FAM13A: variants seen among roughly 807,000 people sequenced by gnomAD.
FAM13A encodes protein FAM13A.
Under a neutral mutation model 129.6 loss-of-function variants are expected in FAM13A, and 76 were observed. That is an observed-to-expected ratio of 0.59 (90% confidence interval 0.49 to 0.71). FAM13A has a LOEUF of 0.71. FAM13A is among the 30% of genes least tolerant of loss of function. FAM13A has a pLI of 0.00. For missense variants in FAM13A, 1,108 were observed against 1,249.3 expected (o/e 0.89, Z 1.70); for synonymous variants, 443 against 449.9 (o/e 0.98, Z 0.20).
intron 11 of FAM13A, among the ~76,000 whole-genome samples, chr4:88,776,800 C>T (rs1002324060): frequency 6.6e-6 from 1 of 152,014 alleles, no homozygotes; most frequent in African/African-American, 2.4e-5. Context: ...CATGGTGAAA[C>T]CCCATCTCCA....
intron 6 of FAM13A, among the ~76,000 whole-genome samples, chr4:88,864,377 T>C (rs988772669): frequency 4.6e-5 from 7 of 152,202 alleles, no homozygotes; most frequent in Non-Finnish European, 7.3e-5. Flanking sequence ...TAAATCAAGA[T>C]GATTGCTAGC....
chr4:88,983,962 A>T (rs1424420208), intron 4 of FAM13A, among the ~76,000 whole-genome samples: 1 of 152,202 alleles, frequency 6.6e-6, no homozygotes, highest in East Asian at 1.9e-4. Context: ...AGATATACAG[A>T]TCAATGGAAT....
In FAM13A at chr4:88,802,556, T is replaced by C. The variant is rs147006495; in HGVS notation, c.1049+2455A>G. ...AAGGACTGAAGGTAACTGAAATATA[T>C]GGTAGACTAACATGGGATTCAGGCA... On this transcript the variant is annotated intron_variant, in intron 8 of 23. Transcript: ENST00000264344. Among the ~76,000 whole-genome samples, 620 of 152,314 alleles carry C rather than the reference T, an allele frequency of 4.1e-3. 8 individuals are homozygous for C. Among genetic ancestry groups the C allele is most frequent in the African/African-American group, 0.014 (588 of 41,574 alleles).
intron 1 of FAM13A, among the ~76,000 whole-genome samples, chr4:89,037,233 G>A (rs944533304): frequency 1.9e-4 from 29 of 152,226 alleles, no homozygotes; most frequent in Admixed American, 1.3e-4. Flanking sequence ...AGAGCCATAA[G>A]GGCAGAGATG....
At chr4:88,834,377 G>A (rs2149897135) in intron 7 of FAM13A, among the ~76,000 whole-genome samples, 1 of 151,680 alleles carries the variant, frequency 6.6e-6, no homozygotes, top group East Asian at 1.9e-4. Flanking sequence ...ATATGTAAGT[G>A]GAAAAAATAA....
intron 6 of FAM13A, among the ~76,000 whole-genome samples, chr4:88,875,151 T>C (rs1386058876): frequency 6.6e-6 from 1 of 152,198 alleles, no homozygotes; most frequent in East Asian, 1.9e-4. Flanking sequence ...CAAGATGGAT[T>C]AAAGACTTAA....
chr4:88,728,761 T>C, intron 23 of FAM13A, 102 bp from the exon 24 acceptor site: 1 of 1,399,246 alleles, frequency 7.1e-7, no homozygotes, highest in Non-Finnish European at 9.9e-7. Flanking sequence ...TTGCAGTTTA[T>C]CAACTTGTAG....
At position 88,851,052 on chromosome 4, in the gene FAM13A, TG is replaced by T. The variant is rs778907443; in HGVS notation, c.974del (p.Ala325GlufsTer25). Reference sequence around the variant, plus strand: ...CCAACTTGGCACTAATAGCACCCTCTGCTGAATTCATGTCTTCCAAGCAGGC... The same window carrying T: ...CCAACTTGGCACTAATAGCACCCTCTCTGAATTCATGTCTTCCAAGCAGGC... ...RKACLEDMNS[A>X]EGAISAKLVP... On this transcript the variant is annotated frameshift_variant, in exon 7 of 24. Transcript: ENST00000264344. LOFTEE classifies it high-confidence loss of function. 1 of 1,614,110 alleles carries T rather than the reference TG, an allele frequency of 6.2e-7. No individual in the cohort carries two copies. The highest frequency in any genetic ancestry group is 8.5e-7 in the Non-Finnish European group (1 of 1,179,998).
At chr4:88,753,620 T>G in intron 14 of FAM13A, 1 of 931,502 alleles carries the variant, frequency 1.1e-6, no homozygotes. Context: ...AATGCTTACC[T>G]GATTCTCTCC....
At position 88,744,833 on chromosome 4, in the gene FAM13A, C is replaced by T. The variant is rs762588325; in HGVS notation, c.2466+2099G>A. Among the ~76,000 whole-genome samples, 47 of 152,124 alleles carry T rather than the reference C, an allele frequency of 3.1e-4. 1 individual carries two copies. Among genetic ancestry groups the T allele is most frequent in the Non-Finnish European group, 2.6e-4 (18 of 68,000 alleles). ...AATAGAGAGAGGCAGAGAGTTTGGC[C>T]CTGGACCAGAAATTAATGACACTCA... On this transcript the variant is annotated intron_variant, in intron 19 of 23. Transcript: ENST00000264344.
At chr4:88,834,194 G>A (rs1012210882) in intron 7 of FAM13A, among the ~76,000 whole-genome samples, 1 of 140,896 alleles carries the variant, frequency 7.1e-6, no homozygotes, top group Non-Finnish European at 1.5e-5. Flanking sequence ...TTATAGGCGT[G>A]AGCCGCCATG....
intron 7 of FAM13A, among the ~76,000 whole-genome samples, chr4:88,820,225 C>G (rs1328207328): frequency 2.0e-5 from 3 of 152,152 alleles, no homozygotes; most frequent in Admixed American, 6.5e-5. Context: ...AATAAAATCA[C>G]ACACTTACAC....
At chr4:88,975,448 T>A (rs1013141312) in intron 4 of FAM13A, among the ~76,000 whole-genome samples, 1 of 152,218 alleles carries the variant, frequency 6.6e-6, no homozygotes, top group African/African-American at 2.4e-5. Flanking sequence ...TGTGTGTATA[T>A]ACCTAAATTT....
chr4:88,901,321 C>T (rs572142143), intron 6 of FAM13A, among the ~76,000 whole-genome samples: 2 of 152,216 alleles, frequency 1.3e-5, no homozygotes, highest in Non-Finnish European at 2.9e-5. Context: ...ACTCTCCACC[C>T]ACAAACAACT....
chr4:88,946,006 A>G lies in FAM13A; in HGVS notation c.606-7765T>C, dbSNP rs367969285. Among the ~76,000 whole-genome samples, 187 of 69,430 alleles carry G rather than the reference A, an allele frequency of 2.7e-3. 3 individuals carry two copies. Among genetic ancestry groups the G allele is most frequent in the Admixed American group, 9.6e-3 (56 of 5,850 alleles). The allele number at this position is 69,430 out of a possible 152,430, so 45.5% of individuals were successfully genotyped here. A position where few individuals can be genotyped will look rare whatever the true frequency, so the allele number is the denominator to read the frequency against. On this transcript the variant is annotated intron_variant, in intron 4 of 23. Coordinates refer to ENST00000264344, the MANE Select transcript of FAM13A (RefSeq NM_014883.4). The stretch of plus-strand genomic sequence containing the variant: ...TGTGTGTGTGTATATATATATATAT[A>G]TATATATATATATATATGTAATCCA...
chr4:89,030,831 C>T (rs887534369), intron 1 of FAM13A, among the ~76,000 whole-genome samples: 10 of 152,072 alleles, frequency 6.6e-5, no homozygotes, highest in African/African-American at 2.4e-4. Flanking sequence ...TGACATAAGA[C>T]AATTACAAGT....
chr4:88,958,875 C>A (rs1373810767), intron 4 of FAM13A, among the ~76,000 whole-genome samples: 1 of 152,196 alleles, frequency 6.6e-6, no homozygotes, highest in African/African-American at 2.4e-5. Context: ...CTGTACCCTG[C>A]AAAGCCAAAA....
chr4:88,847,960 A>C (rs978310610), intron 7 of FAM13A, among the ~76,000 whole-genome samples: 6 of 152,148 alleles, frequency 3.9e-5, no homozygotes, highest in Non-Finnish European at 7.4e-5. Context: ...CCCAAAAAAA[A>C]AAAAAATTAC....
intron 1 of FAM13A, among the ~76,000 whole-genome samples, chr4:89,052,001 A>G (rs1341684678): frequency 2.6e-5 from 4 of 152,064 alleles, no homozygotes; most frequent in African/African-American, 7.2e-5. Flanking sequence ...TAAATCTCAC[A>G]CTGTGGCTCC....
Sources: gnomAD v4.1 joint callset for allele counts (sites outside exome capture counted in the v4.1 genomes callset) on GRCh38, gnomAD v4.1.1 for gene constraint, MANE v1.5 for transcripts, NCBI Gene and HGNC (gene_info 2026-07-23, HGNC 2026-07-21) for gene names.